Variants in CCDC171 observed in about 807,000 individuals in gnomAD.
CCDC171 encodes the protein coiled-coil domain containing 171.
A neutral mutation model predicts 168.2 loss-of-function variants in CCDC171; 177 were observed. The observed-to-expected ratio is 1.05, with a 90% CI of 0.93 to 1.19. CCDC171 has a LOEUF of 1.19. Among genes scored for constraint, CCDC171 ranks in the 50% most tolerant of loss-of-function variants. The pLI is 0.00. For synonymous variants in CCDC171, 687 were observed against 540.8 expected, an observed-to-expected ratio of 1.27 and a Z score of -3.75; for missense variants, 1,991 against 1,539.0, an observed-to-expected ratio of 1.29 and a Z score of -4.91.
intron 3 of CCDC171, among the ~76,000 whole-genome samples, chr9:15,992,721 A>G (rs1832240166): frequency 6.6e-6 from 1 of 152,204 alleles, no homozygotes; most frequent in African/African-American, 2.4e-5. Flanking sequence ...AAATCTCCTT[A>G]AGCTGATAAG....
At position 15,948,186 on chromosome 9, in the gene CCDC171, T is replaced by C. The variant is rs1828668486; in HGVS notation, c.3754-23423T>C. 2.0e-5 allele frequency among the ~76,000 whole-genome samples: 3 copies of C among 151,536 alleles called. No individual in the cohort carries two copies. The South Asian group carries it at 6.3e-4, about 32-fold the overall frequency. ...TTTTTTATGGCTGCATAGTATTCCA[T>C]GGTGCATATGTGCCACATTTTCTTA... On this transcript the variant is annotated intron_variant, in intron 25 of 25. Transcript: ENST00000380701.
At chr9:15,735,543 G>C in intron 16 of CCDC171, among the ~76,000 whole-genome samples, 1 of 152,118 alleles carries the variant, frequency 6.6e-6, no homozygotes, top group East Asian at 1.9e-4. Flanking sequence ...TTAGAATGGA[G>C]AACAAAACTC....
chr9:15,576,402 G>A lies in CCDC171; in HGVS notation c.178-2447G>A, dbSNP rs572168506. 4.6e-5 allele frequency among the ~76,000 whole-genome samples: 7 copies of A among 151,974 alleles called. No homozygotes were observed. In the East Asian group the frequency reaches 1.4e-3, roughly 29 times the overall value. On this transcript the variant is annotated intron_variant, in intron 3 of 25. Transcript: ENST00000380701. The stretch of plus-strand genomic sequence containing the variant: ...GGGGTCTTGCTGTGTTGCTCAGGTT[G>A]GTCTCAAACTCCTAGCCTCAAGCAA...
At chr9:15,633,157 C>G (rs2045885878) in intron 7 of CCDC171, among the ~76,000 whole-genome samples, 2 of 152,064 alleles carry the variant, frequency 1.3e-5, no homozygotes, top group Non-Finnish European at 1.5e-5. Flanking sequence ...GCAAGAAAAG[C>G]CAAAATTGAC....
At chr9:15,832,854 C>CT (rs553078240) in intron 21 of CCDC171, among the ~76,000 whole-genome samples, 1 of 151,858 alleles carries the variant, frequency 6.6e-6, no homozygotes, top group Non-Finnish European at 1.5e-5. Flanking sequence ...CTTTAAAATC[C>CT]TTTTTTTAAC....
chr9:15,639,091 C>T (rs2046407801), intron 7 of CCDC171, among the ~76,000 whole-genome samples: 1 of 152,028 alleles, frequency 6.6e-6, no homozygotes, highest in Non-Finnish European at 1.5e-5. Context: ...GCATCTTTCT[C>T]TAAATGCGTA....
intron 7 of CCDC171, among the ~76,000 whole-genome samples, chr9:15,641,180 A>G (rs976137133): frequency 6.6e-6 from 1 of 152,146 alleles, no homozygotes; most frequent in Non-Finnish European, 1.5e-5. Flanking sequence ...ATCATTTTCT[A>G]TTTATACAAG....
At chr9:16,071,034 C>T in the CCDC171 span, among the ~76,000 whole-genome samples, 22 of 152,158 alleles carry the variant, frequency 1.4e-4, no homozygotes, top group African/African-American at 5.3e-4. Context: ...CAAGGAATTT[C>T]CTTTTCAACT....
At chr9:15,705,521 CCTT>C (rs1375951371) in intron 11 of CCDC171, among the ~76,000 whole-genome samples, 1 of 152,186 alleles carries the variant, frequency 6.6e-6, no homozygotes, top group Non-Finnish European at 1.5e-5. Context: ...ACTGACCATT[CCTT>C]CTACCCAGAA....
At chr9:15,778,581 G>T (rs1442728022) in intron 19 of CCDC171, among the ~76,000 whole-genome samples, 1 of 136,146 alleles carries the variant, frequency 7.3e-6, no homozygotes, top group East Asian at 2.4e-4. Context: ...GGGAGGTGGA[G>T]GTTGTAGTGA....
At chr9:16,078,466 T>C in the CCDC171 span, among the ~76,000 whole-genome samples, 6 of 152,322 alleles carry the variant, frequency 3.9e-5, no homozygotes, top group East Asian at 9.7e-4. Context: ...TTCTGAGCAC[T>C]TTTATGGACA....
chr9:16,086,359 G>A, the CCDC171 span, among the ~76,000 whole-genome samples: 1 of 150,524 alleles, frequency 6.6e-6, no homozygotes, highest in African/African-American at 2.5e-5. Context: ...TGAGGCTGGA[G>A]TGCAGTGGCA....
chr9:15,587,412 C>T (rs780430224), intron 4 of CCDC171, among the ~76,000 whole-genome samples: 1 of 152,170 alleles, frequency 6.6e-6, no homozygotes, highest in African/African-American at 2.4e-5. Context: ...CTCCTTTTGC[C>T]TGCTGCCATG....
intron 4 of CCDC171, among the ~76,000 whole-genome samples, chr9:15,579,453 C>G (rs1018239894): frequency 6.6e-6 from 1 of 152,174 alleles, no homozygotes; most frequent in African/African-American, 2.4e-5. Context: ...TTAGAAATCA[C>G]TGGGCTAGAG....
intron 21 of CCDC171, among the ~76,000 whole-genome samples, chr9:15,802,727 T>C (rs1325753552): frequency 6.6e-6 from 1 of 152,196 alleles, no homozygotes; most frequent in Non-Finnish European, 1.5e-5. Context: ...TATGCATGCA[T>C]GTGCCTTTAT....
At chr9:15,771,589 AT>A (rs1389362120) in intron 18 of CCDC171, among the ~76,000 whole-genome samples, 2 of 152,040 alleles carry the variant, frequency 1.3e-5, no homozygotes, top group Non-Finnish European at 1.5e-5. Flanking sequence ...AGTGCAAATA[AT>A]TTTGCAGCTT....
Position 15,591,437 on chromosome 9 carries a change from AAAG to A in CCDC171, c.430_432del (p.Glu144del). ...ATTTCAGACTTCTCAGCAAAAATGG[AAAG>A]AAGAATGCAGAAGATTTGAACATGA... On this transcript the variant is annotated inframe_deletion, in exon 5 of 26. Coordinates refer to ENST00000380701, the MANE Select transcript of CCDC171 (RefSeq NM_173550.4). 1 of 1,608,934 alleles carries A rather than the reference AAAG, an allele frequency of 6.2e-7. No homozygotes were observed. The highest frequency in any genetic ancestry group is 1.1e-5 in the South Asian group (1 of 89,476).
intron 24 of CCDC171, among the ~76,000 whole-genome samples, chr9:15,909,449 G>A (rs1034496695): frequency 1.3e-5 from 2 of 151,954 alleles, no homozygotes; most frequent in Non-Finnish European, 2.9e-5. Flanking sequence ...CTGGCAAAGC[G>A]AGAAGGTGGT....
At chr9:15,617,685 G>C (rs919309910) in intron 6 of CCDC171, among the ~76,000 whole-genome samples, 4 of 152,022 alleles carry the variant, frequency 2.6e-5, no homozygotes, top group Non-Finnish European at 5.9e-5. Context: ...CTGTGGGGGG[G>C]GTTCTTGATG....
Sources: allele counts gnomAD v4.1 joint callset (sites outside exome capture counted in the v4.1 genomes callset), GRCh38; gene constraint gnomAD v4.1.1; transcripts MANE v1.5; gene names NCBI Gene and HGNC (gene_info 2026-07-23, HGNC 2026-07-21).